The following DRC1 variants were observed in gnomAD, a reference collection of about 807,000 sequenced individuals.
DRC1 encodes dynein regulatory complex subunit 1, also known as dynein regulatory complex protein 1.
In DRC1, 74 loss-of-function variants were observed where a neutral mutation model predicts 98.7. The observed-to-expected ratio is 0.75, with a 90% CI of 0.62 to 0.91. The LOEUF (loss-of-function observed/expected upper bound fraction) is 0.91, where lower values mean the gene tolerates loss of function less well. DRC1 is among the 40% of genes least tolerant of loss of function. DRC1 has a pLI of 0.00. For missense variants in DRC1, 875 were observed against 886.0 expected (o/e 0.99, Z 0.16); for synonymous variants, 336 against 334.1 (o/e 1.01, Z -0.06).
chr2:26,451,692 C>G lies in DRC1; in HGVS notation c.1689+1011C>G, dbSNP rs537524356. 1.3e-4 allele frequency among the ~76,000 whole-genome samples: 19 copies of G among 150,028 alleles called. No individual in the cohort carries two copies. In the East Asian group the frequency reaches 3.7e-3, roughly 29 times the overall value. ...GGTGACAGAGTGTGAGACACTGTCT[C>G]TAAGGGAAAAAAAAGAGAAAAGAAA... is the stretch of plus-strand genomic sequence containing the variant. On this transcript the variant is annotated intron_variant, in intron 13 of 16. Transcript: ENST00000288710.
intron 7 of DRC1, 57 bp from the exon 8 acceptor site, chr2:26,440,320 TG>T: frequency 1.0e-6 from 1 of 996,374 alleles, no homozygotes; most frequent in East Asian, 7.0e-5. Context: ...TTAGTGTGTT[TG>T]TGTGTGTGTG....
intron 2 of DRC1, among the ~76,000 whole-genome samples, chr2:26,418,475 G>A (rs1228396257): frequency 1.5e-5 from 2 of 135,646 alleles, no homozygotes; most frequent in African/African-American, 5.5e-5. Flanking sequence ...TAAAGGTATT[G>A]TGATAGGAGG....
At chr2:26,447,891 A>T (rs963654707) in intron 10 of DRC1, among the ~76,000 whole-genome samples, 2 of 151,288 alleles carry the variant, frequency 1.3e-5, no homozygotes, top group African/African-American at 4.9e-5. Context: ...TAATTAAGAA[A>T]ATTTTTGGCT....
intron 7 of DRC1, among the ~76,000 whole-genome samples, chr2:26,434,599 A>G (rs868822074): frequency 2.0e-5 from 3 of 152,216 alleles, no homozygotes; most frequent in Admixed American, 6.5e-5. Flanking sequence ...TCTATTAAGA[A>G]AGCAAGCTAC....
intron 14 of DRC1, among the ~76,000 whole-genome samples, chr2:26,453,756 C>T (rs1046347593): frequency 6.6e-6 from 1 of 152,188 alleles, no homozygotes; most frequent in Non-Finnish European, 1.5e-5. Flanking sequence ...GTGCTTTTTT[C>T]ACTCATCATT....
intron 2 of DRC1, among the ~76,000 whole-genome samples, chr2:26,417,539 G>A (rs925272706): frequency 3.9e-5 from 6 of 152,104 alleles, no homozygotes; most frequent in Admixed American, 2.6e-4. Flanking sequence ...ATGTTGGCCA[G>A]GCTGGTCTCC....
chr2:26,440,503 G>T lies in DRC1; in HGVS notation c.1014G>T (p.Lys338Asn). Residue 338 changes from lysine (K) to asparagine (N), a missense_variant, in exon 8 of 17, where the codon AAG becomes AAT. By Grantham distance (94) the Lys-to-Asn change is moderately conservative. Coordinates refer to ENST00000288710, the MANE Select transcript of DRC1 (RefSeq NM_145038.5). ...GCACAGTAATTAAATCCCAGCAGAAGAGGAAGATCAATCGGTAAGCTAGCA... is the reference window on the plus strand; with the variant it reads ...GCACAGTAATTAAATCCCAGCAGAATAGGAAGATCAATCGGTAAGCTAGCA... ...EESTVIKSQQ[K>N]RKINRLHDIL... The T allele has an allele frequency of 6.2e-7, 1 of 1,610,934 alleles. No homozygotes were observed. The highest frequency in any genetic ancestry group is 1.1e-5 in the South Asian group (1 of 90,492).
chr2:26,411,321 A>T (rs1678602259), intron 1 of DRC1, among the ~76,000 whole-genome samples: 1 of 152,244 alleles, frequency 6.6e-6, no homozygotes, highest in African/African-American at 2.4e-5. Flanking sequence ...TTAACCCAAT[A>T]TATAAAAGTA....
At chr2:26,402,867 C>G (rs968447743) in intron 1 of DRC1, among the ~76,000 whole-genome samples, 23 of 152,244 alleles carry the variant, frequency 1.5e-4, no homozygotes, top group African/African-American at 5.5e-4. Context: ...TGCTGCGGGG[C>G]CATCAGTGGA....
At chr2:26,422,454 C>G (rs982527751) in intron 3 of DRC1, among the ~76,000 whole-genome samples, 3 of 152,160 alleles carry the variant, frequency 2.0e-5, no homozygotes, top group Non-Finnish European at 4.4e-5. Context: ...CCTCAGGAGG[C>G]AGGCTGCCCT....
chr2:26,403,943 T>C (rs2147973682), intron 1 of DRC1, among the ~76,000 whole-genome samples: 1 of 151,278 alleles, frequency 6.6e-6, no homozygotes, highest in Middle Eastern at 3.4e-3. Flanking sequence ...CTATTAAAAA[T>C]ACAAAAATTA....
At chr2:26,455,734 C>T (rs562234735) in intron 16 of DRC1, among the ~76,000 whole-genome samples, 8 of 152,380 alleles carry the variant, frequency 5.3e-5, no homozygotes, top group African/African-American at 9.6e-5. Flanking sequence ...GGGTCATCCT[C>T]GCATGGGGAA....
intron 14 of DRC1, 109 bp downstream of exon 14, chr2:26,453,658 CG>C: frequency 1.7e-6 from 2 of 1,144,942 alleles, no homozygotes; most frequent in Non-Finnish European, 1.2e-6. Context: ...GGGCAAGATG[CG>C]GGGACTAAGG....
At chr2:26,424,718 G>C (rs1486235812) in intron 4 of DRC1, among the ~76,000 whole-genome samples, 1 of 152,154 alleles carries the variant, frequency 6.6e-6, no homozygotes, top group Admixed American at 6.5e-5. Flanking sequence ...CTGGGAGGCC[G>C]AGGCAGGCGG....
At chr2:26,444,498 G>A in intron 9 of DRC1, 142 bp downstream of exon 9, 3 of 1,215,794 alleles carry the variant, frequency 2.5e-6, no homozygotes, top group African/African-American at 1.5e-5. Context: ...CTTTTGTGGT[G>A]TGTTCCCCTG....
At position 26,444,918 on chromosome 2, in the gene DRC1, C is replaced by T. The variant is rs777051751; in HGVS notation, c.1366C>T (p.Gln456Ter). 1 of 1,614,124 alleles carries T rather than the reference C, an allele frequency of 6.2e-7. No homozygotes were observed. ...ISQQPQKSATQIVEEMLMRSE... is the reference protein window; with the variant it reads ...ISQQPQKSAT ...TCAGCAGCCCCAGAAGTCCGCCACA[C>T]AGATAGTAGAAGAAATGCTTATGCG... Residue 456 changes from glutamine to a stop codon, truncating the protein, a stop_gained, in exon 10 of 17, where the codon CAG (glutamine) becomes TAG (stop). Coordinates refer to ENST00000288710, the MANE Select transcript of DRC1 (RefSeq NM_145038.5). LOFTEE classifies it high-confidence loss of function.
intron 4 of DRC1, among the ~76,000 whole-genome samples, chr2:26,428,494 G>C (rs531654234): frequency 1.6e-4 from 24 of 152,260 alleles, no homozygotes; most frequent in Admixed American, 2.6e-4. Flanking sequence ...AACAGAAAAG[G>C]CACAGTAAAA....
intron 10 of DRC1, among the ~76,000 whole-genome samples, chr2:26,446,186 G>T (rs1440782983): frequency 7.1e-6 from 1 of 140,670 alleles, no homozygotes; most frequent in East Asian, 2.2e-4. Context: ...AACCTCTGCC[G>T]CCAAGGCTTC....
intron 2 of DRC1, among the ~76,000 whole-genome samples, chr2:26,418,989 C>T (rs151309482): frequency 0.046 from 6,852 of 149,992 alleles, 233 homozygotes; most frequent in African/African-American, 0.096. Context: ...CCTGGGTTCA[C>T]GCGATTCCCC....
Sources: gnomAD v4.1 joint callset for allele counts (sites outside exome capture counted in the v4.1 genomes callset) on GRCh38, gnomAD v4.1.1 for gene constraint, MANE v1.5 for transcripts, NCBI Gene and HGNC (gene_info 2026-07-23, HGNC 2026-07-21) for gene names.